Variants in AKAP6 observed in about 807,000 individuals in gnomAD.
AKAP6 encodes the protein A-kinase anchoring protein 6.
A neutral mutation model predicts 188.5 loss-of-function variants in AKAP6; 58 were observed. The ratio of observed to expected loss-of-function variants is 0.31; its 90% CI spans 0.25 to 0.38. The LOEUF is 0.38. Ranked by LOEUF, AKAP6 falls within the 10% of genes least tolerant of loss-of-function variation. The pLI, the probability that AKAP6 is intolerant of heterozygous loss-of-function variation, is 1.00. For missense variants in AKAP6, 2,710 were observed against 2,740.0 expected, an observed-to-expected ratio of 0.99 and a Z score of 0.24; for synonymous variants, 989 against 998.6, an observed-to-expected ratio of 0.99 and a Z score of 0.18.
chr14:32,515,405 C>G (rs773085435), intron 2 of AKAP6, among the ~76,000 whole-genome samples: 7 of 152,086 alleles, frequency 4.6e-5, no homozygotes, highest in Non-Finnish European at 1.0e-4. Context: ...AGGACTGGAA[C>G]TCAAGTCTTC....
rs141911415 is a variant in AKAP6 at position 32,795,709 on chromosome 14, G to C, written c.3588+21816G>C. On this transcript the variant is annotated intron_variant, in intron 12 of 13. Coordinates refer to ENST00000280979, the MANE Select transcript of AKAP6 (RefSeq NM_004274.5). Reference sequence around the variant, plus strand: ...ATGGGCAAAAGCTGGAAGCATTCTTGTTAAAAACTGGCACAAGACAAGGAT... The same window carrying C: ...ATGGGCAAAAGCTGGAAGCATTCTTCTTAAAAACTGGCACAAGACAAGGAT... Among the ~76,000 whole-genome samples the C allele has an allele frequency of 9.7e-4, 148 of 152,260 alleles. 2 individuals are homozygous for C. In the East Asian group the frequency reaches 0.023, roughly 23 times the overall value.
intron 7 of AKAP6, among the ~76,000 whole-genome samples, chr14:32,639,260 C>T (rs551303690): frequency 1.3e-5 from 2 of 152,174 alleles, no homozygotes; most frequent in South Asian, 4.1e-4. Flanking sequence ...TGTGGCTAAT[C>T]ATTGATATGT....
intron 12 of AKAP6, among the ~76,000 whole-genome samples, chr14:32,781,731 A>T (rs2033256579): frequency 6.6e-6 from 1 of 152,210 alleles, no homozygotes; most frequent in Non-Finnish European, 1.5e-5. Context: ...TTAGCCTAGA[A>T]ATACGTAGTT....
At chr14:32,697,154 G>T (rs149838910) in intron 9 of AKAP6, among the ~76,000 whole-genome samples, 3 of 152,018 alleles carry the variant, frequency 2.0e-5, no homozygotes, top group Admixed American at 2.0e-4. Context: ...TTAAATTACC[G>T]TTCTTTAATA....
In AKAP6 at chr14:32,545,974, T is replaced by C. The variant is rs780890969; in HGVS notation, c.1321T>C (p.Leu441=). ...PPDRSKLCLV[L]QSSYPNSPSA... ...TGACAGATCCAAACTTTGCCTGGTA[T>C]TGCAGTCTTCTTACCCCAACAGCCC... The change falls in exon 4 of 14, where the codon TTG becomes CTG. Residue 441 remains leucine, a synonymous_variant. Transcript: ENST00000280979. The C allele has an allele frequency of 6.2e-7, 1 of 1,614,214 alleles. No individual in the cohort carries two copies. Among genetic ancestry groups the C allele is most frequent in the South Asian group, 1.1e-5 (1 of 91,082 alleles).
chr14:32,389,406 GT>G (rs371335059), intron 1 of AKAP6, among the ~76,000 whole-genome samples: 2,088 of 148,232 alleles, frequency 0.014, 43 homozygotes, highest in African/African-American at 0.044. Flanking sequence ...TGTATACCTT[GT>G]TTTTTTTTTA....
chr14:32,659,462 G>A (rs535243777), intron 7 of AKAP6, among the ~76,000 whole-genome samples: 6 of 152,140 alleles, frequency 3.9e-5, no homozygotes, highest in African/African-American at 1.4e-4. Context: ...AGCCATCAAG[G>A]GTTGGTGTTA....
rs754452599 is a variant in AKAP6, at chr14:32,397,568, G to A, written c.-34-35892G>A. 5.9e-5 allele frequency among the ~76,000 whole-genome samples: 9 copies of A among 151,840 alleles called. No individual in the cohort carries two copies. The East Asian group carries it at 9.7e-4, about 16-fold the overall frequency. On this transcript the variant is annotated intron_variant, in intron 1 of 13. Transcript: ENST00000280979. ...AAACTTTTTATTGTCTTCTTAAACC[G>A]TAAATTCCATGAGGAGCGAGCATAT...
chr14:32,570,023 G>A (rs951323385), intron 4 of AKAP6, among the ~76,000 whole-genome samples: 12 of 151,564 alleles, frequency 7.9e-5, no homozygotes, highest in South Asian at 4.2e-4. Flanking sequence ...TGCTGCCCCC[G>A]TCATGCTGTC....
chr14:32,351,417 C>A (rs373577731), intron 1 of AKAP6, among the ~76,000 whole-genome samples: 1 of 152,066 alleles, frequency 6.6e-6, no homozygotes, highest in Non-Finnish European at 1.5e-5. Context: ...ACAAAATTAG[C>A]CAGGTGTGGT....
At chr14:32,483,001 A>ATGTGTGTGTGTG (rs1172945025) in intron 2 of AKAP6, among the ~76,000 whole-genome samples, 2 of 68,834 alleles carry the variant, frequency 2.9e-5, no homozygotes, top group African/African-American at 8.7e-5. Flanking sequence ...ATATATATAT[A>ATGTGTGTGTGTG]TATATATATA....
At chr14:32,643,065 A>G (rs999024520) in intron 7 of AKAP6, among the ~76,000 whole-genome samples, 3 of 152,290 alleles carry the variant, frequency 2.0e-5, no homozygotes, top group South Asian at 4.1e-4. Context: ...ACATTTCAAT[A>G]TAACTCTTAT....
At chr14:32,432,891 G>A (rs1486614969) in intron 1 of AKAP6, among the ~76,000 whole-genome samples, 3 of 152,094 alleles carry the variant, frequency 2.0e-5, no homozygotes, top group Admixed American at 6.6e-5. Context: ...AGTGGAACCC[G>A]TGTTTCTACC....
intron 2 of AKAP6, among the ~76,000 whole-genome samples, chr14:32,531,515 C>T (rs921595541): frequency 1.3e-5 from 2 of 152,192 alleles, no homozygotes; most frequent in African/African-American, 4.8e-5. Context: ...AATTATCATA[C>T]AGCAGAGTTG....
intron 11 of AKAP6, among the ~76,000 whole-genome samples, chr14:32,756,836 A>T (rs1330368183): frequency 1.3e-5 from 2 of 152,080 alleles, no homozygotes; most frequent in African/African-American, 4.8e-5. Flanking sequence ...GGGACAGTGG[A>T]TAGCAGCCTC....
chr14:32,577,616 A>G (rs1788791229), intron 5 of AKAP6, among the ~76,000 whole-genome samples: 1 of 152,172 alleles, frequency 6.6e-6, no homozygotes, highest in Non-Finnish European at 1.5e-5. Context: ...TTCTTGTAAA[A>G]TTAATGAACC....
intron 1 of AKAP6, among the ~76,000 whole-genome samples, chr14:32,351,120 A>G (rs532223988): frequency 1.4e-4 from 22 of 152,208 alleles, no homozygotes; most frequent in Non-Finnish European, 2.1e-4. Context: ...GCTTCCACAA[A>G]GGTATCAAAC....
At chr14:32,500,374 A>G (rs559597451) in intron 2 of AKAP6, among the ~76,000 whole-genome samples, 2 of 152,316 alleles carry the variant, frequency 1.3e-5, no homozygotes, top group East Asian at 3.9e-4. Context: ...TGAATATTGC[A>G]TTATGTCTGA....
intron 3 of AKAP6, among the ~76,000 whole-genome samples, chr14:32,542,889 A>C (rs549178540): frequency 6.6e-6 from 1 of 152,332 alleles, no homozygotes; most frequent in East Asian, 1.9e-4. Context: ...CTTTGCATTG[A>C]AGTGTGTCAT....
Sources: allele counts gnomAD v4.1 joint callset (sites outside exome capture counted in the v4.1 genomes callset), GRCh38; gene constraint gnomAD v4.1.1; transcripts MANE v1.5; gene names NCBI Gene and HGNC (gene_info 2026-07-23, HGNC 2026-07-21).